Variants in LRP1B observed in about 807,000 individuals in gnomAD.
LRP1B encodes LDL receptor related protein 1B.
LRP1B carries 217 observed loss-of-function variants against 556.6 expected under a neutral mutation model. That is an observed-to-expected ratio of 0.39 (90% confidence interval 0.35 to 0.44). The LOEUF (loss-of-function observed/expected upper bound fraction) is 0.44, where lower values mean the gene tolerates loss of function less well. Ranked by LOEUF, LRP1B falls within the 20% of genes least tolerant of loss-of-function variation. LRP1B has a pLI of 1.00. For missense variants in LRP1B, 5,053 were observed against 5,620.8 expected (o/e 0.90, Z 3.23); for synonymous variants, 2,047 against 1,865.8 (o/e 1.10, Z -2.50).
intron 32 of LRP1B, among the ~76,000 whole-genome samples, chr2:140,777,685 C>A (rs1164255278): frequency 1.3e-5 from 2 of 151,968 alleles, no homozygotes; most frequent in African/African-American, 4.8e-5. Context: ...AGAAAAAATC[C>A]TTTTGTTTTA....
At chr2:141,226,958 C>A (rs1683273251) in intron 6 of LRP1B, among the ~76,000 whole-genome samples, 1 of 152,110 alleles carries the variant, frequency 6.6e-6, no homozygotes, top group Non-Finnish European at 1.5e-5. Context: ...ATTATTTACT[C>A]AGATTAAAAT....
Position 140,752,022 on chromosome 2 carries a change from T to C in LRP1B, c.5758+17191A>G, listed in dbSNP as rs187738303. 1.1e-3 allele frequency among the ~76,000 whole-genome samples: 160 copies of C among 152,122 alleles called. 1 individual carries two copies. The highest frequency in any genetic ancestry group is 3.7e-3 in the African/African-American group (155 of 41,526). On this transcript the variant is annotated intron_variant, in intron 35 of 90. Transcript: ENST00000389484. Reference sequence around the variant, plus strand: ...GAGGATTCTGTCAGTTAAGAACACTTAGCCACTAAATAGGCTGGGCGCAAT... The same window carrying C: ...GAGGATTCTGTCAGTTAAGAACACTCAGCCACTAAATAGGCTGGGCGCAAT...
chr2:140,694,139 G>T (rs1686343245), intron 41 of LRP1B, among the ~76,000 whole-genome samples: 1 of 152,118 alleles, frequency 6.6e-6, no homozygotes, highest in Non-Finnish European at 1.5e-5. Context: ...CACTAAATAA[G>T]CATATTCTTT....
chr2:141,432,335 G>A (rs1008848665), intron 3 of LRP1B, among the ~76,000 whole-genome samples: 1 of 151,936 alleles, frequency 6.6e-6, no homozygotes, highest in African/African-American at 2.4e-5. Flanking sequence ...GTTAGCTTTG[G>A]TTTGCTAGTA....
chr2:140,988,776 T>C (rs1393304335), intron 17 of LRP1B, among the ~76,000 whole-genome samples: 7 of 152,172 alleles, frequency 4.6e-5, no homozygotes. Context: ...TATGTTTTGA[T>C]GTTGCTCTAT....
At chr2:141,483,887 C>T (rs1259281330) in intron 2 of LRP1B, among the ~76,000 whole-genome samples, 1 of 150,054 alleles carries the variant, frequency 6.7e-6, no homozygotes, top group Non-Finnish European at 1.5e-5. Context: ...GAGTAGGTTG[C>T]AAAAATTTTC....
chr2:141,397,628 T>A (rs1690290706), intron 3 of LRP1B, among the ~76,000 whole-genome samples: 1 of 151,908 alleles, frequency 6.6e-6, no homozygotes, highest in Admixed American at 6.6e-5. Flanking sequence ...TTTATTGCTA[T>A]ATTTTAAAAT....
intron 1 of LRP1B, among the ~76,000 whole-genome samples, chr2:141,870,662 G>A (rs1255774215): frequency 2.0e-5 from 3 of 151,882 alleles, no homozygotes; most frequent in East Asian, 1.9e-4. Flanking sequence ...TACTGCCAGA[G>A]CAGCAGGAAT....
Position 142,122,735 on chromosome 2 carries a change from T to A in LRP1B, c.82+7913A>T, listed in dbSNP as rs145697146. 2.0e-5 allele frequency among the ~76,000 whole-genome samples: 3 copies of A among 152,140 alleles called. No homozygotes were observed. In the East Asian group the frequency reaches 5.8e-4, roughly 30 times the overall value. ...TGAGGCAAGAATCTCACTCACGAGG[T>A]GGTGTCATTATCACTGTACTTCCAG... On this transcript the variant is annotated intron_variant, in intron 1 of 90. Coordinates refer to ENST00000389484, the MANE Select transcript of LRP1B (RefSeq NM_018557.3).
At chr2:141,528,295 A>T (rs1488033003) in intron 2 of LRP1B, among the ~76,000 whole-genome samples, 1 of 151,970 alleles carries the variant, frequency 6.6e-6, no homozygotes, top group Non-Finnish European at 1.5e-5. Context: ...AAAATTTGTG[A>T]TAAATTCCTG....
At chr2:141,319,967 A>C (rs1285623485) in intron 3 of LRP1B, among the ~76,000 whole-genome samples, 1 of 152,108 alleles carries the variant, frequency 6.6e-6, no homozygotes, top group Non-Finnish European at 1.5e-5. Context: ...CTCAAACCTT[A>C]ATGCTCATAA....
intron 66 of LRP1B, among the ~76,000 whole-genome samples, chr2:140,401,480 A>G (rs557858261): frequency 1.8e-4 from 28 of 152,264 alleles, no homozygotes; most frequent in African/African-American, 6.5e-4. Flanking sequence ...TGGCTTGAGA[A>G]CTGCCCCCAA....
intron 1 of LRP1B, among the ~76,000 whole-genome samples, chr2:141,847,539 A>G (rs886776930): frequency 4.6e-5 from 7 of 151,718 alleles, no homozygotes; most frequent in African/African-American, 1.4e-4. Flanking sequence ...AACAGATATT[A>G]TAACACCAAG....
chr2:141,078,303 ATT>A (rs35192825), intron 7 of LRP1B, among the ~76,000 whole-genome samples: 8 of 151,254 alleles, frequency 5.3e-5, no homozygotes, highest in East Asian at 3.9e-4. Context: ...TGTCCAGTTC[ATT>A]TTTTTTTTCC....
intron 16 of LRP1B, 133 bp downstream of exon 16, chr2:140,993,862 G>T: frequency 1.2e-6 from 1 of 854,774 alleles, no homozygotes; most frequent in Non-Finnish European, 1.8e-6. Context: ...TTATGCAAAA[G>T]GATGACTGAA....
At chr2:140,928,868 A>G (rs1398099425) in intron 20 of LRP1B, among the ~76,000 whole-genome samples, 1 of 152,146 alleles carries the variant, frequency 6.6e-6, no homozygotes, top group African/African-American at 2.4e-5. Context: ...AGCAGGAAAG[A>G]GCTTAATTTT....
At chr2:141,624,414 T>C (rs927770122) in intron 2 of LRP1B, among the ~76,000 whole-genome samples, 1 of 152,214 alleles carries the variant, frequency 6.6e-6, no homozygotes, top group African/African-American at 2.4e-5. Context: ...GACTAGAATG[T>C]TGATATTATT....
chr2:141,454,371 G>A (rs1681549817), intron 3 of LRP1B, among the ~76,000 whole-genome samples: 2 of 152,040 alleles, frequency 1.3e-5, no homozygotes, highest in South Asian at 2.1e-4. Flanking sequence ...TACTTATCAG[G>A]TAACAGCAAG....
At chr2:140,302,521 TC>T (rs1683879420) in intron 83 of LRP1B, among the ~76,000 whole-genome samples, 1 of 152,198 alleles carries the variant, frequency 6.6e-6, no homozygotes, top group South Asian at 2.1e-4. Context: ...ATTTCATGTG[TC>T]AACTAGCCTG....
Sources: allele counts gnomAD v4.1 joint callset (sites outside exome capture counted in the v4.1 genomes callset), GRCh38; gene constraint gnomAD v4.1.1; transcripts MANE v1.5; gene names NCBI Gene and HGNC (gene_info 2026-07-23, HGNC 2026-07-21).